TNK1: variants seen among roughly 807,000 people sequenced by gnomAD.
TNK1 encodes the protein tyrosine kinase non receptor 1.
TNK1 carries 53 observed loss-of-function variants against 65.2 expected under a neutral mutation model. The ratio of observed to expected loss-of-function variants is 0.81; its 90% CI spans 0.65 to 1.02. TNK1 has a LOEUF of 1.02. TNK1 is among the 50% of genes least tolerant of loss of function. TNK1 has a pLI of 0.00. For synonymous variants in TNK1, 353 were observed against 364.6 expected (o/e 0.97, Z 0.36); for missense variants, 837 against 878.4 (o/e 0.95, Z 0.60).
At chr17:7,383,379 G>C (rs1407526880) in intron 3 of TNK1, 46 bp from the exon 4 acceptor site, 4 of 1,612,388 alleles carry the variant, frequency 2.5e-6, no homozygotes, top group South Asian at 1.1e-5. Context: ...GGGGCAGGGA[G>C]GGGGGCGCAG....
chr17:7,382,068 C>T lies in TNK1; in HGVS notation c.-91-768C>T, dbSNP rs1567643849. 6.6e-6 allele frequency among the ~76,000 whole-genome samples: 1 copy of T among 152,190 alleles called. No individual in the cohort carries two copies. Among genetic ancestry groups the T allele is most frequent in the Non-Finnish European group, 1.5e-5 (1 of 68,042 alleles). On this transcript the variant is annotated intron_variant, in intron 1 of 12. Coordinates refer to ENST00000688331, the MANE Select transcript of TNK1 (RefSeq NM_003985.6). This position sits in a 1 kb window ranked among gnomAD's most constrained non-coding sequence, Gnocchi z 4.1. Reference sequence around the variant, plus strand: ...GGATCACGAGGTCAGGAGTTCAAGACCAGCCTGGCCAATATGGTGAAACCC... The same window carrying T: ...GGATCACGAGGTCAGGAGTTCAAGATCAGCCTGGCCAATATGGTGAAACCC...
intron 1 of TNK1, among the ~76,000 whole-genome samples, chr17:7,381,872 T>C (rs1312740304): frequency 1.3e-5 from 2 of 152,226 alleles, no homozygotes; most frequent in Non-Finnish European, 2.9e-5. Flanking sequence ...TGAACTGCCA[T>C]GTCCCATGGA....
intron 8 of TNK1, among the ~76,000 whole-genome samples, 164 bp downstream of exon 8, chr17:7,386,819 G>A (rs1444265070): frequency 6.6e-6 from 1 of 152,170 alleles, no homozygotes; most frequent in East Asian, 1.9e-4. Flanking sequence ...TGGCCTCCCT[G>A]CTGGAGCCAC....
rs1300645053 is a variant in TNK1, at chr17:7,388,423, G to T, written c.1495G>T (p.Glu499Ter). ...ERMKGISRSL[E>*]SVLSLGPRPT... is the part of the protein sequence containing the mutation. The stretch of plus-strand genomic sequence containing the variant: ...CTGTGCAGGCATTTCCAGGAGTCTG[G>T]AGTCAGTTCTGTCCCTCGGTCCTCG... The change falls in exon 11 of 13, where the codon GAG becomes TAG. Residue 499 changes from glutamate to a stop codon, truncating the protein, a stop_gained. Coordinates refer to ENST00000688331, the MANE Select transcript of TNK1 (RefSeq NM_003985.6). LOFTEE classifies it high-confidence loss of function. This position sits in a 1 kb window ranked among gnomAD's most constrained non-coding sequence, Gnocchi z 4.5. 1 of 1,610,380 alleles carries T rather than the reference G, an allele frequency of 6.2e-7. No individual in the cohort carries two copies. The highest frequency in any genetic ancestry group is 2.2e-5 in the East Asian group (1 of 44,824).
intron 2 of TNK1, 67 bp downstream of exon 2, chr17:7,383,156 A>G: frequency 1.2e-6 from 2 of 1,611,208 alleles, no homozygotes; most frequent in Non-Finnish European, 8.5e-7. Context: ...TTCCCCCACC[A>G]CAACCCTCTT....
chr17:7,386,686 A>G (rs1384330372), intron 8 of TNK1, 31 bp downstream of exon 8: 10 of 1,520,426 alleles, frequency 6.6e-6, no homozygotes, highest in Non-Finnish European at 9.0e-6. Context: ...AAGCACCCTC[A>G]GGAGGAGGAT....
At chr17:7,387,514 G>C in intron 10 of TNK1, 57 bp downstream of exon 10, 2 of 1,430,652 alleles carry the variant, frequency 1.4e-6, no homozygotes, top group Non-Finnish European at 1.9e-6. Context: ...CTTCAATTCC[G>C]ACCCCCTGCC....
chr17:7,384,262 G>A lies in TNK1; in HGVS notation c.866+9G>A. On this transcript the variant is annotated intron_variant, in intron 6 of 12. Transcript: ENST00000688331. ...CCTATCCCCTACGCCTGGTGAGAGC[G>A]GGTCCGCGGGCGGTCGGGCTCTGAG... The A allele has an allele frequency of 6.9e-7, 1 of 1,449,272 alleles. No individual in the cohort carries two copies. The highest frequency in any genetic ancestry group is 9.0e-7 in the Non-Finnish European group (1 of 1,108,672). The allele number at this position is 1,449,272 out of a possible 1,614,324, so 89.8% of individuals were successfully genotyped here.
At chr17:7,387,748 G>A (rs1905263631) in intron 10 of TNK1, among the ~76,000 whole-genome samples, 1 of 152,020 alleles carries the variant, frequency 6.6e-6, no homozygotes, top group South Asian at 2.1e-4. Context: ...GGGACTACAG[G>A]CATGTGCCAC....
At chr17:7,385,636 C>T (rs571406027) in intron 7 of TNK1, among the ~76,000 whole-genome samples, 29 of 152,148 alleles carry the variant, frequency 1.9e-4, no homozygotes, top group East Asian at 5.8e-4. Context: ...GGGATCTTGG[C>T]TCACTGCAAC....
At chr17:7,387,591 A>AATC in intron 10 of TNK1, 134 bp downstream of exon 10, 2 of 686,150 alleles carry the variant, frequency 2.9e-6, no homozygotes, top group South Asian at 4.6e-5. Context: ...TCCTAGCTAT[A>AATC]CTGTGCAATC....
intron 10 of TNK1, 144 bp downstream of exon 10, chr17:7,387,601 CTATTTT>C: frequency 2.0e-6 from 1 of 510,990 alleles, no homozygotes; most frequent in Non-Finnish European, 3.2e-6. Flanking sequence ...ACTGTGCAAT[CTATTTT>C]TTTTTTTTTT....
chr17:7,388,429 G>T lies in TNK1; in HGVS notation c.1501G>T (p.Val501Phe). ...AGGCATTTCCAGGAGTCTGGAGTCA[G>T]TTCTGTCCCTCGGTCCTCGTCCCAC... The part of the protein sequence containing the change: ...MKGISRSLES[V>F]LSLGPRPTGG... Residue 501 changes from valine to phenylalanine, a missense_variant, in exon 11 of 13, where the codon GTT becomes TTT. Coordinates refer to ENST00000688331, the MANE Select transcript of TNK1 (RefSeq NM_003985.6). The surrounding 1 kb of genome is among the most constrained non-coding windows in gnomAD (Gnocchi z 4.5). 6.2e-7 allele frequency: 1 copy of T among 1,612,800 alleles called. No individual in the cohort carries two copies. The highest frequency in any genetic ancestry group is 8.5e-7 in the Non-Finnish European group (1 of 1,179,224).
At position 7,383,757 on chromosome 17, in the gene TNK1, G is replaced by A. The variant is rs1904986716; in HGVS notation, c.475G>A (p.Gly159Ser). 1.2e-6 allele frequency: 2 copies of A among 1,612,666 alleles called. No homozygotes were observed. The highest frequency in any genetic ancestry group is 1.3e-5 in the African/African-American group (1 of 74,930). Residue 159 changes from glycine (G) to serine (S), a missense_variant, in exon 5 of 13, where the codon GGC (glycine) becomes AGC (serine). By Grantham distance (56) the Gly-to-Ser change is moderately conservative (BLOSUM62 0). Transcript: ENST00000688331. ...SLRVGPEGPM[G>S]TELGDFLREV... ...CCGGGTAGGTCCCGAAGGCCCGATG[G>A]GCACAGAACTGGGGGACTTCCTGCG...
At position 7,388,901 on chromosome 17, in the gene TNK1, T is replaced by C. The variant is rs1275681357; in HGVS notation, c.1872+18T>C. On this transcript the variant is annotated intron_variant, in intron 12 of 12. Transcript: ENST00000688331. This position sits in a 1 kb window ranked among gnomAD's most constrained non-coding sequence, Gnocchi z 4.5. ...ACCTCAAGGTAAAGCCAGCCCCTTC[T>C]CTTGGGGTCCCTCCTCTCCTGCCCC... 1.3e-6 allele frequency: 2 copies of C among 1,575,240 alleles called. No individual in the cohort carries two copies. Among genetic ancestry groups the C allele is most frequent in the Non-Finnish European group, 1.7e-6 (2 of 1,160,238 alleles).
intron 7 of TNK1, 150 bp downstream of exon 7, chr17:7,384,904 G>A: frequency 2.7e-6 from 3 of 1,123,180 alleles, no homozygotes; most frequent in Non-Finnish European, 3.7e-6. Context: ...TACCTGCAGG[G>A]AGATCAGAGC....
chr17:7,386,888 G>A, intron 8 of TNK1, 102 bp from the exon 9 acceptor site: 2 of 1,409,074 alleles, frequency 1.4e-6, no homozygotes, highest in Non-Finnish European at 1.9e-6. Context: ...CCAGGCAGAT[G>A]CGGCTCCAAG....
chr17:7,389,560 G>C lies in TNK1; in HGVS notation c.*476G>C, dbSNP rs1905467398. ...TATAGGCCCAAACTGCCTTCGTTTG[G>C]TCCAGGGCCATCGTGGGTGATGACG... On this transcript the variant is annotated 3_prime_UTR_variant, in exon 13 of 13. Coordinates refer to ENST00000688331, the MANE Select transcript of TNK1 (RefSeq NM_003985.6). 1 of 329,582 alleles carries C rather than the reference G, an allele frequency of 3.0e-6. No homozygotes were observed. The highest frequency in any genetic ancestry group is 2.1e-5 in the African/African-American group (1 of 47,214). 20.4% of individuals were successfully genotyped at this position (329,582 alleles called of 1,614,324 possible). A position where few individuals can be genotyped will look rare whatever the true frequency, so the allele number is the denominator to read the frequency against.
intron 10 of TNK1, among the ~76,000 whole-genome samples, chr17:7,387,725 C>T (rs1905260667): frequency 6.6e-6 from 1 of 152,054 alleles, no homozygotes; most frequent in Non-Finnish European, 1.5e-5. Context: ...CTGCCTCAGC[C>T]TCCCGAGTAG....
Sources: allele counts gnomAD v4.1 joint callset (sites outside exome capture counted in the v4.1 genomes callset), GRCh38; gene constraint gnomAD v4.1.1; non-coding constraint Gnocchi (gnomAD v3.1); transcripts MANE v1.5; gene names NCBI Gene and HGNC (gene_info 2026-07-23, HGNC 2026-07-21).